NCOA7: variants seen among roughly 807,000 people sequenced by gnomAD.
NCOA7 encodes 140 kDa estrogen receptor-associated protein.
Under a neutral mutation model 104.3 loss-of-function variants are expected in NCOA7, and 45 were observed. That is an observed-to-expected ratio of 0.43 (90% CI 0.34 to 0.55). The LOEUF (loss-of-function observed/expected upper bound fraction) is 0.55. NCOA7 is among the 20% of genes least tolerant of loss of function. NCOA7 has a pLI of 0.02. For synonymous variants in NCOA7, 398 were observed against 402.3 expected (o/e 0.99, Z 0.13); for missense variants, 1,041 against 1,119.7 (o/e 0.93, Z 1.00).
intron 10 of NCOA7, among the ~76,000 whole-genome samples, chr6:125,904,321 A>AT (rs899957578): frequency 9.2e-5 from 14 of 152,154 alleles, no homozygotes; most frequent in African/African-American, 3.1e-4. Flanking sequence ...CTGTGCTAAC[A>AT]TTTTTTTGTT....
chr6:125,837,743 A>G lies in NCOA7; in HGVS notation c.51-17277A>G, dbSNP rs867879381. 4.6e-5 allele frequency among the ~76,000 whole-genome samples: 7 copies of G among 152,226 alleles called. No individual in the cohort carries two copies. The South Asian group carries it at 1.0e-3, about 23-fold the overall frequency. ...ACCCAGAGTTCCCTTAGGAGGCAGC[A>G]TGAGGAAGGAGGCTGAGATCATCCA... On this transcript the variant is annotated intron_variant, in intron 2 of 15. Coordinates refer to ENST00000392477, the MANE Select transcript of NCOA7 (RefSeq NM_181782.5).
intron 1 of NCOA7, among the ~76,000 whole-genome samples, chr6:125,808,162 C>T (rs781231536): frequency 1.3e-5 from 2 of 152,212 alleles, no homozygotes; most frequent in Non-Finnish European, 2.9e-5. Flanking sequence ...ATTCCCCGAA[C>T]ACCACACATT....
intron 10 of NCOA7, among the ~76,000 whole-genome samples, chr6:125,901,591 A>G (rs1785509441): frequency 6.6e-6 from 1 of 152,204 alleles, no homozygotes; most frequent in Non-Finnish European, 1.5e-5. Context: ...GTACCAGCCC[A>G]TAGTAGCGTC....
At chr6:125,843,864 C>G (rs1318377585) in intron 2 of NCOA7, among the ~76,000 whole-genome samples, 2 of 152,188 alleles carry the variant, frequency 1.3e-5, no homozygotes, top group Non-Finnish European at 2.9e-5. Flanking sequence ...TGTGTACATT[C>G]AACAAAGGGC....
At chr6:125,840,555 C>A (rs868018927) in intron 2 of NCOA7, among the ~76,000 whole-genome samples, 3 of 151,730 alleles carry the variant, frequency 2.0e-5, no homozygotes, top group African/African-American at 2.4e-5. Context: ...GCTCTGTTGC[C>A]CCAGATGGAG....
At chr6:125,919,842 T>C (rs1002309275) in intron 11 of NCOA7, among the ~76,000 whole-genome samples, 1 of 152,238 alleles carries the variant, frequency 6.6e-6, no homozygotes, top group Non-Finnish European at 1.5e-5. Context: ...GTATCTGTCA[T>C]TGTGCATTTT....
chr6:125,877,232 G>A (rs1393778777), intron 4 of NCOA7, among the ~76,000 whole-genome samples: 1 of 152,110 alleles, frequency 6.6e-6, no homozygotes, highest in Non-Finnish European at 1.5e-5. Flanking sequence ...AGTTCATCTA[G>A]TAGTTGGACC....
chr6:125,890,816 T>C lies in NCOA7; in HGVS notation c.2096+6T>C. 8 of 1,589,070 alleles carry C rather than the reference T, an allele frequency of 5.0e-6. No individual in the cohort carries two copies. Among genetic ancestry groups the C allele is most frequent in the Non-Finnish European group, 6.8e-6 (8 of 1,168,028 alleles). On this transcript the variant is annotated splice_donor_region_variant and intron_variant, in intron 10 of 15. Transcript: ENST00000392477. ...TTTGCTGTTCCTCGGGAGAGGTGAG[T>C]ATGGGCTACAATGGAAAGTCTGTGG...
chr6:125,818,040 C>T (rs796817655), intron 2 of NCOA7, among the ~76,000 whole-genome samples: 2 of 151,814 alleles, frequency 1.3e-5, no homozygotes, highest in African/African-American at 4.8e-5. Context: ...TCTTCCTCCT[C>T]TTCTTCCTCC....
chr6:125,890,606 C>G (rs764106445), intron 9 of NCOA7, 36 bp from the exon 10 acceptor site: 3 of 1,566,950 alleles, frequency 1.9e-6, no homozygotes, highest in Non-Finnish European at 2.6e-6. Flanking sequence ...CCAATATTGT[C>G]AATATTGAGG....
intron 12 of NCOA7, 134 bp from the exon 13 acceptor site, chr6:125,922,548 T>C: frequency 9.8e-7 from 1 of 1,024,446 alleles, no homozygotes; most frequent in Non-Finnish European, 1.4e-6. Flanking sequence ...TAGCAAATAT[T>C]TGCCAGAATA....
At chr6:125,810,630 T>A (rs144098986) in intron 1 of NCOA7, among the ~76,000 whole-genome samples, 1 of 152,290 alleles carries the variant, frequency 6.6e-6, no homozygotes, top group African/African-American at 2.4e-5. Context: ...AAAATGTAGT[T>A]CCCATTAGAG....
chr6:125,887,508 A>G (rs1562984654), intron 8 of NCOA7, among the ~76,000 whole-genome samples: 1 of 152,244 alleles, frequency 6.6e-6, no homozygotes, highest in Non-Finnish European at 1.5e-5. Flanking sequence ...TTAAATTGAA[A>G]TGAATTATAA....
chr6:125,888,115 C>T (rs1784383833), intron 8 of NCOA7, among the ~76,000 whole-genome samples: 1 of 152,000 alleles, frequency 6.6e-6, no homozygotes, highest in African/African-American at 2.4e-5. Context: ...GGAAGTAAAG[C>T]ATCTGTTATT....
At chr6:125,896,531 C>T (rs1785034055) in intron 10 of NCOA7, among the ~76,000 whole-genome samples, 1 of 152,164 alleles carries the variant, frequency 6.6e-6, no homozygotes, top group Non-Finnish European at 1.5e-5. Flanking sequence ...TACGTCATGC[C>T]TGTAATCCCA....
At chr6:125,898,230 C>T (rs1356885530) in intron 10 of NCOA7, among the ~76,000 whole-genome samples, 2 of 152,198 alleles carry the variant, frequency 1.3e-5, no homozygotes, top group Non-Finnish European at 2.9e-5. Flanking sequence ...TGAAATCTTA[C>T]TCATTTTTAA....
intron 2 of NCOA7, among the ~76,000 whole-genome samples, chr6:125,852,220 G>A (rs865926711): frequency 9.2e-5 from 14 of 152,198 alleles, no homozygotes; most frequent in Middle Eastern, 3.4e-3. Flanking sequence ...TTCTGAGAAA[G>A]AGTCTTTCTC....
At chr6:125,866,344 A>AAAAAGATAT (rs1189449166) in intron 3 of NCOA7, among the ~76,000 whole-genome samples, 32 of 152,180 alleles carry the variant, frequency 2.1e-4, no homozygotes, top group African/African-American at 7.5e-4. Context: ...AAAAGAAAAA[A>AAAAAGATAT]AAAAGATATA....
intron 3 of NCOA7, among the ~76,000 whole-genome samples, chr6:125,860,825 C>T (rs1428018792): frequency 1.3e-5 from 2 of 151,904 alleles, no homozygotes; most frequent in East Asian, 3.9e-4. Flanking sequence ...AAGAGATGGG[C>T]ACATATTATA....
Sources: gnomAD v4.1 joint callset for allele counts (sites outside exome capture counted in the v4.1 genomes callset) on GRCh38, gnomAD v4.1.1 for gene constraint, MANE v1.5 for transcripts, NCBI Gene and HGNC (gene_info 2026-07-23, HGNC 2026-07-21) for gene names.